Variants in DPP10 observed in about 807,000 individuals in gnomAD.
DPP10 encodes the protein inactive dipeptidyl peptidase 10.
In DPP10, 33 loss-of-function variants were observed where a neutral mutation model predicts 120.9. The ratio of observed to expected loss-of-function variants is 0.27; its 90% CI spans 0.21 to 0.37. DPP10 has a LOEUF of 0.37. Ranked by LOEUF, DPP10 falls within the 10% of genes least tolerant of loss-of-function variation. The probability of loss-of-function intolerance (pLI) is 1.00; values close to 1 mark genes in which losing one functional copy is unlikely to be tolerated. For synonymous variants in DPP10, 337 were observed against 326.1 expected (o/e 1.03, Z -0.36); for missense variants, 816 against 942.8 (o/e 0.87, Z 1.76).
intron 19 of DPP10, among the ~76,000 whole-genome samples, chr2:115,806,371 A>G (rs1333435299): frequency 6.6e-6 from 1 of 152,050 alleles, no homozygotes; most frequent in African/African-American, 2.4e-5. Context: ...AAGTTGCAAG[A>G]TGGTTCTGCC....
chr2:114,779,419 C>CT (rs1313896567), intron 1 of DPP10, among the ~76,000 whole-genome samples: 5 of 152,076 alleles, frequency 3.3e-5, no homozygotes, highest in African/African-American at 1.2e-4. Context: ...ACCCAAGGTC[C>CT]TAAACCACCT....
intron 7 of DPP10, among the ~76,000 whole-genome samples, chr2:115,721,569 C>T (rs770936639): frequency 2.6e-5 from 4 of 151,820 alleles, no homozygotes; most frequent in Non-Finnish European, 5.9e-5. Flanking sequence ...CAATGAGATA[C>T]CACTTCACAC....
At chr2:115,099,217 G>A (rs184228355) in intron 1 of DPP10, among the ~76,000 whole-genome samples, 1 of 152,160 alleles carries the variant, frequency 6.6e-6, no homozygotes, top group South Asian at 2.1e-4. Context: ...AGGAGGCTGA[G>A]GCAGGAGAAT....
At chr2:114,449,263 G>A (rs559894999) in intron 1 of DPP10, among the ~76,000 whole-genome samples, 13 of 152,208 alleles carry the variant, frequency 8.5e-5, no homozygotes, top group Admixed American at 2.0e-4. Flanking sequence ...GTAGATATGT[G>A]CCAGGTTGGT....
chr2:115,140,020 AC>A (rs1238427700), intron 1 of DPP10, among the ~76,000 whole-genome samples: 15 of 152,320 alleles, frequency 9.8e-5, no homozygotes, highest in African/African-American at 3.1e-4. Flanking sequence ...TAGGGCATGA[AC>A]GTGAAAAAAA....
chr2:114,762,164 C>T (rs1680341145), intron 1 of DPP10, among the ~76,000 whole-genome samples: 1 of 152,224 alleles, frequency 6.6e-6, no homozygotes, highest in Non-Finnish European at 1.5e-5. Context: ...TTGGCACATT[C>T]TTAAGGTAAG....
In DPP10 at chr2:114,843,023, T is replaced by C. The variant is rs545060766; in HGVS notation, c.60+400185T>C. Among the ~76,000 whole-genome samples the C allele has an allele frequency of 2.0e-5, 3 of 152,182 alleles. No individual in the cohort carries two copies. The East Asian group carries it at 5.8e-4, about 29-fold the overall frequency. On this transcript the variant is annotated intron_variant, in intron 1 of 25. Transcript: ENST00000410059. The stretch of plus-strand genomic sequence containing the variant: ...GGTTGACTTGAAAAAATTTGTTCAT[T>C]GCCAAAAAGATAATAAAGATGTCTG...
At chr2:114,642,889 T>A (rs1481678839) in intron 1 of DPP10, among the ~76,000 whole-genome samples, 1 of 151,916 alleles carries the variant, frequency 6.6e-6, no homozygotes, top group African/African-American at 2.4e-5. Flanking sequence ...ATGAAAATAA[T>A]CACAACATCC....
chr2:115,205,524 T>C (rs2056061099), intron 1 of DPP10, among the ~76,000 whole-genome samples: 1 of 152,142 alleles, frequency 6.6e-6, no homozygotes, highest in African/African-American at 2.4e-5. Flanking sequence ...ATGCCATTAC[T>C]TTGTATATAC....
At chr2:114,835,213 A>G (rs1687619604) in intron 1 of DPP10, 1 of 151,788 alleles carries the variant, frequency 6.6e-6, no homozygotes, top group Admixed American at 6.6e-5. Flanking sequence ...CTATGTATAT[A>G]TAGGACATAT....
chr2:115,457,857 A>G (rs761151155), intron 3 of DPP10, among the ~76,000 whole-genome samples: 1 of 152,162 alleles, frequency 6.6e-6, no homozygotes, highest in Non-Finnish European at 1.5e-5. Context: ...AATCTTGTAC[A>G]GGAATGTTTA....
intron 1 of DPP10, among the ~76,000 whole-genome samples, chr2:114,689,110 C>T (rs968059050): frequency 6.6e-6 from 1 of 151,618 alleles, no homozygotes; most frequent in Non-Finnish European, 1.5e-5. Flanking sequence ...GGTACATGTG[C>T]AGGATGTGCA....
intron 1 of DPP10, among the ~76,000 whole-genome samples, chr2:115,147,881 C>G (rs2051318706): frequency 6.6e-6 from 1 of 152,050 alleles, no homozygotes; most frequent in Admixed American, 6.6e-5. Context: ...AATTTAGAGA[C>G]TTTAGCTCTT....
chr2:115,189,280 C>T (rs1003118884), intron 1 of DPP10, among the ~76,000 whole-genome samples: 1 of 152,044 alleles, frequency 6.6e-6, no homozygotes, highest in Non-Finnish European at 1.5e-5. Context: ...TTAAAGAGAT[C>T]AGGGGTATAA....
intron 1 of DPP10, among the ~76,000 whole-genome samples, chr2:114,717,970 T>C (rs1230088477): frequency 1.3e-5 from 2 of 152,168 alleles, no homozygotes; most frequent in African/African-American, 2.4e-5. Flanking sequence ...TGATATTTGC[T>C]TAGTTGTATT....
At chr2:115,367,446 A>G (rs1449430338) in intron 3 of DPP10, among the ~76,000 whole-genome samples, 1 of 152,182 alleles carries the variant, frequency 6.6e-6, no homozygotes, top group East Asian at 1.9e-4. Flanking sequence ...TTTATTAACA[A>G]TCTAATAGAG....
At chr2:114,652,388 T>C (rs1696657543) in intron 1 of DPP10, among the ~76,000 whole-genome samples, 3 of 152,210 alleles carry the variant, frequency 2.0e-5, no homozygotes, top group Admixed American at 2.0e-4. Flanking sequence ...GTGGGCTTTC[T>C]CCATCTTCTT....
At chr2:114,489,969 A>G (rs964578757) in intron 1 of DPP10, among the ~76,000 whole-genome samples, 2 of 152,216 alleles carry the variant, frequency 1.3e-5, no homozygotes, top group Non-Finnish European at 2.9e-5. Flanking sequence ...CAAATGTCTG[A>G]ATACAGTGAA....
At position 115,305,485 on chromosome 2, in the gene DPP10, A is replaced by G. The variant is rs1307733280; in HGVS notation, c.61-3754A>G. ...TAGTGGCTTATGGTTTTAATCCCAG[A>G]GCTTTGGGAGACTGACACAGGAGGA... On this transcript the variant is annotated intron_variant, in intron 1 of 25. Transcript: ENST00000410059. 2.0e-5 allele frequency among the ~76,000 whole-genome samples: 3 copies of G among 152,012 alleles called. No homozygotes were observed. In the East Asian group the frequency reaches 5.8e-4, roughly 29 times the overall value.
Sources: allele counts gnomAD v4.1 joint callset (sites outside exome capture counted in the v4.1 genomes callset), GRCh38; gene constraint gnomAD v4.1.1; transcripts MANE v1.5; gene names NCBI Gene and HGNC (gene_info 2026-07-23, HGNC 2026-07-21).